The following TRMT13 variants were observed in gnomAD, a reference collection of about 807,000 sequenced individuals.
TRMT13 encodes tRNA methyltransferase 13, also known as tRNA:m(4)X modification enzyme TRM13 homolog.
In TRMT13, 45 loss-of-function variants were observed where a neutral mutation model predicts 55.9. The observed-to-expected ratio is 0.80, with a 90% CI of 0.63 to 1.03. The LOEUF is 1.03. Among genes scored for constraint, TRMT13 ranks in the 50% least tolerant of loss-of-function variants. The pLI, the probability that TRMT13 is intolerant of heterozygous loss-of-function variation, is 0.00. For synonymous variants in TRMT13, 183 were observed against 196.3 expected, an observed-to-expected ratio of 0.93 and a Z score of 0.57; for missense variants, 513 against 563.9, an observed-to-expected ratio of 0.91 and a Z score of 0.91.
chr1:100,135,327 TAAGG>T (rs1211140005), intron 1 of TRMT13, among the ~76,000 whole-genome samples: 1 of 152,056 alleles, frequency 6.6e-6, no homozygotes, highest in African/African-American at 2.4e-5. Flanking sequence ...AAGTCAGCAA[TAAGG>T]AAGAAATTAT....
chr1:100,135,878 G>A lies in TRMT13; in HGVS notation c.148-1004G>A, dbSNP rs138287874. ...GCATATATGATGGTGGTCCCATAAG[G>A]TTATAATACTGTATTTTTACTGTAC... On this transcript the variant is annotated intron_variant, in intron 1 of 10. Transcript: ENST00000370141. Among the ~76,000 whole-genome samples the A allele has an allele frequency of 7.4e-3, 1,120 of 152,180 alleles. 9 individuals carry two copies. Among genetic ancestry groups the A allele is most frequent in the African/African-American group, 0.026 (1,076 of 41,506 alleles).
At chr1:100,133,357 T>C (rs1353440779) in intron 1 of TRMT13, 42 bp downstream of exon 1, 10 of 1,596,966 alleles carry the variant, frequency 6.3e-6, no homozygotes, top group Non-Finnish European at 7.7e-6. Context: ...GAAATAAGTA[T>C]CCTGGTCCTG....
At position 100,133,331 on chromosome 1, in the gene TRMT13, A is replaced by G. The variant is rs781567287; in HGVS notation, c.147+16A>G. ...AGCCGCGGAGGTGTGGTATCGCCCTACTCTCTCAAGAGTCGGAAATAAGTA... is the reference window on the plus strand; with the variant it reads ...AGCCGCGGAGGTGTGGTATCGCCCTGCTCTCTCAAGAGTCGGAAATAAGTA... On this transcript the variant is annotated intron_variant, in intron 1 of 10. Transcript: ENST00000370141. 6.2e-7 allele frequency: 1 copy of G among 1,612,732 alleles called. No homozygotes were observed. The highest frequency in any genetic ancestry group is 8.5e-7 in the Non-Finnish European group (1 of 1,179,388).
At position 100,139,905 on chromosome 1, in the gene TRMT13, C is replaced by G. The variant is rs184733798; in HGVS notation, c.324+194C>G. ...TCATGCCCCATAACAAAAGAAGCTACAATATGGCCCTGAATCCCCTTTGAT... is the reference window on the plus strand; with the variant it reads ...TCATGCCCCATAACAAAAGAAGCTAGAATATGGCCCTGAATCCCCTTTGAT... On this transcript the variant is annotated intron_variant, in intron 4 of 10. Transcript: ENST00000370141. 3.3e-5 allele frequency among the ~76,000 whole-genome samples: 5 copies of G among 152,318 alleles called. No homozygotes were observed. In the East Asian group the frequency reaches 9.6e-4, roughly 29 times the overall value.
At chr1:100,139,541 A>G (rs1656333241) in intron 3 of TRMT13, 108 bp from the exon 4 acceptor site, 1 of 654,692 alleles carries the variant, frequency 1.5e-6, no homozygotes, top group African/African-American at 1.9e-5. Flanking sequence ...GGAGGAAGGG[A>G]GGATGGCAGG....
chr1:100,149,381 G>C lies in TRMT13; in HGVS notation c.*561G>C, dbSNP rs1361786635. ...ATGAAGTCACCTTCAAATTTCCAGA[G>C]CCATACATGTATATATTGTCAGAAT... On this transcript the variant is annotated 3_prime_UTR_variant, in exon 11 of 11. Transcript: ENST00000370141. 6.5e-7 allele frequency: 1 copy of C among 1,545,670 alleles called. No homozygotes were observed. Among genetic ancestry groups the C allele is most frequent in the Non-Finnish European group, 8.7e-7 (1 of 1,145,470 alleles).
intron 1 of TRMT13, 67 bp downstream of exon 1, chr1:100,133,382 C>T (rs1655302421): frequency 3.3e-6 from 5 of 1,525,654 alleles, no homozygotes; most frequent in Middle Eastern, 1.9e-4. Context: ...TGCTGGAACC[C>T]GGCCCCTCCC....
chr1:100,148,951 CT>C lies in TRMT13; in HGVS notation c.*134del. The C allele has an allele frequency of 3.2e-6, 4 of 1,263,686 alleles. No homozygotes were observed. The highest frequency in any genetic ancestry group is 4.2e-6 in the Non-Finnish European group (4 of 946,364). The allele number at this position is 1,263,686 out of a possible 1,614,324, so 78.3% of individuals were successfully genotyped here. ...TAAAAAATGCTGTGGCCTCATTAAA[CT>C]TTGGTAATAGCTTTTCTTTTTACTT... On this transcript the variant is annotated 3_prime_UTR_variant, in exon 11 of 11. Coordinates refer to ENST00000370141, the MANE Select transcript of TRMT13 (RefSeq NM_019083.3).
rs769139529 is a variant in TRMT13 at position 100,140,971 on chromosome 1, T to C, written c.621T>C (p.Ala207=). Residue 207 remains alanine (A), a synonymous_variant, in exon 7 of 11, where the codon GCT becomes GCC. Coordinates refer to ENST00000370141, the MANE Select transcript of TRMT13 (RefSeq NM_019083.3). The part of the protein sequence containing the change: ...SHWVDIALKD[A]EKVHFILVEK... ...GGGTTGATATTGCCTTAAAAGATGC[T>C]GAAAAAGTTCACTTCATCCTAGTGG... The C allele has an allele frequency of 1.3e-5, 21 of 1,613,484 alleles. No homozygotes were observed. The Admixed American group carries it at 3.0e-4, about 23-fold the overall frequency.
intron 3 of TRMT13, 99 bp from the exon 4 acceptor site, chr1:100,139,550 G>A (rs1342829115): frequency 7.4e-6 from 5 of 679,798 alleles, no homozygotes; most frequent in Non-Finnish European, 1.3e-5. Context: ...GAGGATGGCA[G>A]GTACAGAGCA....
chr1:100,140,796 C>T (rs1309401833), intron 6 of TRMT13, 56 bp from the exon 7 acceptor site: 2 of 1,508,664 alleles, frequency 1.3e-6, no homozygotes, highest in African/African-American at 1.4e-5. Flanking sequence ...GCTGTTTTCC[C>T]ATTTGAACCA....
chr1:100,136,200 A>G (rs540362760), intron 1 of TRMT13, among the ~76,000 whole-genome samples: 107 of 152,340 alleles, frequency 7.0e-4, no homozygotes, highest in Middle Eastern at 3.4e-3. Context: ...TTGCAAAGCC[A>G]GTAAAATATG....
chr1:100,147,824 T>C, intron 9 of TRMT13, 70 bp from the exon 10 acceptor site: 1 of 1,424,992 alleles, frequency 7.0e-7, no homozygotes, highest in Non-Finnish European at 9.4e-7. Context: ...CAGTACTGCT[T>C]AATAAATGTA....
At chr1:100,138,193 A>G (rs1459109574) in intron 3 of TRMT13, among the ~76,000 whole-genome samples, 2 of 152,222 alleles carry the variant, frequency 1.3e-5, no homozygotes, top group Non-Finnish European at 2.9e-5. Context: ...CTTGGAACCC[A>G]GGTAAAGGCA....
At chr1:100,146,740 G>A (rs1041063912) in intron 9 of TRMT13, among the ~76,000 whole-genome samples, 11 of 152,090 alleles carry the variant, frequency 7.2e-5, no homozygotes, top group Non-Finnish European at 1.0e-4. Flanking sequence ...TCCTGACCTC[G>A]TGATCTGCCC....
Position 100,148,939 on chromosome 1 carries a change from G to T in TRMT13, c.*119G>T. On this transcript the variant is annotated 3_prime_UTR_variant, in exon 11 of 11. Coordinates refer to ENST00000370141, the MANE Select transcript of TRMT13 (RefSeq NM_019083.3). Reference sequence around the variant, plus strand: ...TAATATGAACTTTAAAAAATGCTGTGGCCTCATTAAACTTTGGTAATAGCT... The same window carrying T: ...TAATATGAACTTTAAAAAATGCTGTTGCCTCATTAAACTTTGGTAATAGCT... 1 of 1,184,822 alleles carries T rather than the reference G, an allele frequency of 8.4e-7. No homozygotes were observed. Among genetic ancestry groups the T allele is most frequent in the Non-Finnish European group, 1.1e-6 (1 of 880,698 alleles). The allele number at this position is 1,184,822 out of a possible 1,614,324, so 73.4% of individuals were successfully genotyped here.
Position 100,133,324 on chromosome 1 carries a change from TCG to T in TRMT13, c.147+11_147+12del. On this transcript the variant is annotated intron_variant, in intron 1 of 10. Transcript: ENST00000370141. ...ACGCTGGAGCCGCGGAGGTGTGGTA[TCG>T]CCCTACTCTCTCAAGAGTCGGAAAT... 6.2e-7 allele frequency: 1 copy of T among 1,613,686 alleles called. No homozygotes were observed. The highest frequency in any genetic ancestry group is 1.1e-5 in the South Asian group (1 of 91,036).
chr1:100,147,983 A>G lies in TRMT13; in HGVS notation c.907A>G (p.Lys303Glu). ...TTTAGCCAAACGCATAAAGAATGATAAAACAGAAAAAGAAATTTACACTTT... is the reference window on the plus strand; with the variant it reads ...TTTAGCCAAACGCATAAAGAATGATGAAACAGAAAAAGAAATTTACACTTT... ...EPLAKRIKND[K>E]TEKEIYTLAK... Residue 303 changes from lysine (K) to glutamate (E), a missense_variant, in exon 10 of 11, where the codon AAA becomes GAA. Physicochemically the swap from Lys to Glu is moderately conservative, Grantham distance 56. Around this residue, in one of 3 missense-constraint regions of TRMT13, gnomAD observed 209 missense variants for 255.8 expected, o/e 0.82. Coordinates refer to ENST00000370141, the MANE Select transcript of TRMT13 (RefSeq NM_019083.3). The G allele has an allele frequency of 6.2e-7, 1 of 1,614,162 alleles. No homozygotes were observed. The highest frequency in any genetic ancestry group is 1.1e-5 in the South Asian group (1 of 91,082).
At chr1:100,136,605 T>G (rs1264129326) in intron 1 of TRMT13, among the ~76,000 whole-genome samples, 4 of 152,232 alleles carry the variant, frequency 2.6e-5, no homozygotes, top group African/African-American at 9.6e-5. Flanking sequence ...TGATGCTATC[T>G]TAGATTTCAG....
Sources: gnomAD v4.1 joint callset for allele counts (sites outside exome capture counted in the v4.1 genomes callset) on GRCh38, gnomAD v4.1.1 for gene constraint, gnomAD v4.1.1 regional missense constraint, MANE v1.5 for transcripts, NCBI Gene and HGNC (gene_info 2026-07-23, HGNC 2026-07-21) for gene names.